The following FBXL7 variants were observed in gnomAD, a reference collection of about 807,000 sequenced individuals.
The protein encoded by FBXL7 is F-box and leucine rich repeat protein 7.
In FBXL7, 12 loss-of-function variants were observed where a neutral mutation model predicts 38.3. The ratio of observed to expected loss-of-function variants is 0.31; its 90% CI spans 0.20 to 0.51. The LOEUF (loss-of-function observed/expected upper bound fraction) is 0.51, where lower values mean the gene tolerates loss of function less well. Among genes scored for constraint, FBXL7 ranks in the 20% least tolerant of loss-of-function variants. The probability of loss-of-function intolerance (pLI) is 0.98; values close to 1 mark genes in which losing one functional copy is unlikely to be tolerated. For missense variants in FBXL7, 567 were observed against 676.4 expected (o/e 0.84, Z 1.79); for synonymous variants, 297 against 300.9 (o/e 0.99, Z 0.13).
chr5:15,749,033 TCAGGAGTTAGAGAC>T (rs1406108897), intron 2 of FBXL7, among the ~76,000 whole-genome samples: 1 of 151,420 alleles, frequency 6.6e-6, no homozygotes, highest in African/African-American at 2.4e-5. Flanking sequence ...TTACCTGAGG[TCAGGAGTTAGAGAC>T]CAGCCTGGCC....
intron 2 of FBXL7, among the ~76,000 whole-genome samples, chr5:15,663,505 C>T (rs1742161199): frequency 6.6e-6 from 1 of 152,066 alleles, no homozygotes; most frequent in South Asian, 2.1e-4. Flanking sequence ...CCTTCGATGC[C>T]TCATTTATTG....
rs569071232 is a variant in FBXL7 at position 15,577,265 on chromosome 5, C to T, written c.38-38718C>T. 4.6e-5 allele frequency among the ~76,000 whole-genome samples: 7 copies of T among 152,196 alleles called. No homozygotes were observed. In the South Asian group the frequency reaches 6.2e-4, roughly 14 times the overall value. ...GACAATGTCATCCACGTCCTCGTGG[C>T]GTTAATTATCTACACCATGGTATCT... is the stretch of plus-strand genomic sequence containing the variant. On this transcript the variant is annotated intron_variant, in intron 1 of 3. Transcript: ENST00000504595.
chr5:15,779,768 T>C (rs995129449), intron 2 of FBXL7, among the ~76,000 whole-genome samples: 13 of 152,210 alleles, frequency 8.5e-5, no homozygotes, highest in African/African-American at 2.7e-4. Context: ...AGTTTTTGAT[T>C]TATAGCTTTG....
chr5:15,533,864 A>C (rs937817513), intron 1 of FBXL7, among the ~76,000 whole-genome samples: 1 of 152,196 alleles, frequency 6.6e-6, no homozygotes, highest in East Asian at 1.9e-4. Context: ...TTTCTTGTAC[A>C]CTACAGATAA....
intron 2 of FBXL7, among the ~76,000 whole-genome samples, chr5:15,784,719 T>C (rs1200859552): frequency 6.6e-6 from 1 of 152,122 alleles, no homozygotes; most frequent in Non-Finnish European, 1.5e-5. Flanking sequence ...TGCTTCACCT[T>C]CTGCTGTGTG....
chr5:15,713,580 T>C (rs146337459), intron 2 of FBXL7, among the ~76,000 whole-genome samples: 1 of 152,338 alleles, frequency 6.6e-6, no homozygotes, highest in East Asian at 1.9e-4. Flanking sequence ...TAGGTTTATA[T>C]TGGTGAAGGT....
chr5:15,842,110 A>G (rs528533909), intron 2 of FBXL7, among the ~76,000 whole-genome samples: 1 of 152,330 alleles, frequency 6.6e-6, no homozygotes, highest in African/African-American at 2.4e-5. Context: ...GTGCCTGGAA[A>G]AGCCACAGAC....
chr5:15,555,784 G>GAGATAGATAGATAGATAGAT lies in FBXL7; in HGVS notation c.37+55090_37+55109dup, dbSNP rs70938016. ...GATTGGTTAGTGGAGAAGGGTAGATGAGATAGATAGATAGATAGATAGATA... is the reference window on the plus strand; with the variant it reads ...GATTGGTTAGTGGAGAAGGGTAGATGAGATAGATAGATAGATAGATAGATAGATAGATAGATAGATAGATA... On this transcript the variant is annotated intron_variant, in intron 1 of 3. Transcript: ENST00000504595. Among the ~76,000 whole-genome samples, 95 of 139,796 alleles carry GAGATAGATAGATAGATAGAT rather than the reference G, an allele frequency of 6.8e-4. No homozygotes were observed. The South Asian group carries it at 9.2e-3, about 13-fold the overall frequency. The allele number at this position is 139,796 out of a possible 152,430, so 91.7% of individuals were successfully genotyped here.
chr5:15,814,447 G>A (rs1043443401), intron 2 of FBXL7, among the ~76,000 whole-genome samples: 4 of 151,928 alleles, frequency 2.6e-5, no homozygotes, highest in Non-Finnish European at 4.4e-5. Flanking sequence ...ACTAGGGGAG[G>A]GATAGCATTA....
At chr5:15,802,828 T>C (rs956172045) in intron 2 of FBXL7, among the ~76,000 whole-genome samples, 4 of 152,114 alleles carry the variant, frequency 2.6e-5, no homozygotes, top group African/African-American at 9.7e-5. Flanking sequence ...TATTTTTGTA[T>C]TTTTAGTAGA....
At position 15,676,965 on chromosome 5, in the gene FBXL7, T is replaced by C. The variant is rs76083187; in HGVS notation, c.127+60893T>C. On this transcript the variant is annotated intron_variant, in intron 2 of 3. Transcript: ENST00000504595. ...TTTGATTGGAAAGCCACACATTAAA[T>C]ATGGTTCTCAACTTTAAAAGCAGCA... Among the ~76,000 whole-genome samples, 62 of 152,350 alleles carry C rather than the reference T, an allele frequency of 4.1e-4. 2 individuals carry two copies. In the East Asian group the frequency reaches 0.011, roughly 26 times the overall value.
rs563006580 is a variant in FBXL7 at position 15,670,237 on chromosome 5, A to G, written c.127+54165A>G. ...GCTAAAAGCTCTTTCTTCCATCTGAATGAAGCACAGAAATTAAGTTTCTTA... is the reference window on the plus strand; with the variant it reads ...GCTAAAAGCTCTTTCTTCCATCTGAGTGAAGCACAGAAATTAAGTTTCTTA... On this transcript the variant is annotated intron_variant, in intron 2 of 3. Transcript: ENST00000504595. Among the ~76,000 whole-genome samples the G allele has an allele frequency of 7.2e-5, 11 of 152,362 alleles. No homozygotes were observed. In the East Asian group the frequency reaches 2.1e-3, roughly 29 times the overall value.
intron 1 of FBXL7, among the ~76,000 whole-genome samples, chr5:15,526,883 C>G (rs773089847): frequency 6.6e-6 from 1 of 152,028 alleles, no homozygotes; most frequent in African/African-American, 2.4e-5. Flanking sequence ...TTTGGCCTTC[C>G]TAGAAAGTCC....
At chr5:15,830,932 G>A (rs1160034880) in intron 2 of FBXL7, among the ~76,000 whole-genome samples, 1 of 152,056 alleles carries the variant, frequency 6.6e-6, no homozygotes, top group Non-Finnish European at 1.5e-5. Flanking sequence ...TTTACCCTTA[G>A]AGTCTAGTTT....
chr5:15,897,745 C>A (rs923678150), intron 2 of FBXL7, among the ~76,000 whole-genome samples: 4 of 152,098 alleles, frequency 2.6e-5, no homozygotes, highest in Non-Finnish European at 5.9e-5. Flanking sequence ...TGTTGAAGCC[C>A]CAGCCAGGCC....
chr5:15,534,334 C>T (rs932545644), intron 1 of FBXL7, among the ~76,000 whole-genome samples: 6 of 149,866 alleles, frequency 4.0e-5, no homozygotes, highest in Non-Finnish European at 7.4e-5. Flanking sequence ...CCTATTCTCT[C>T]CCTAACTCCT....
intron 2 of FBXL7, among the ~76,000 whole-genome samples, chr5:15,776,696 G>T (rs535320237): frequency 6.6e-6 from 1 of 152,150 alleles, no homozygotes; most frequent in African/African-American, 2.4e-5. Flanking sequence ...TAACTTCATG[G>T]CACTAACATC....
Position 15,608,578 on chromosome 5 carries a change from A to G in FBXL7, c.38-7405A>G, listed in dbSNP as rs186515989. ...GTATTTTGTTAGGTGGTGAACATCT[A>G]CAATCAGTGGACTTTAAGTAAAGGA... On this transcript the variant is annotated intron_variant, in intron 1 of 3. Coordinates refer to ENST00000504595, the MANE Select transcript of FBXL7 (RefSeq NM_012304.5). Among the ~76,000 whole-genome samples, 45 of 152,316 alleles carry G rather than the reference A, an allele frequency of 3.0e-4. 1 individual carries two copies. In the East Asian group the frequency reaches 7.5e-3, roughly 25 times the overall value.
intron 1 of FBXL7, among the ~76,000 whole-genome samples, chr5:15,511,428 A>G (rs1389718671): frequency 6.6e-6 from 1 of 152,214 alleles, no homozygotes; most frequent in Non-Finnish European, 1.5e-5. Context: ...GCCTACACAC[A>G]AGCAAAAGCT....
Sources: allele counts gnomAD v4.1 joint callset (sites outside exome capture counted in the v4.1 genomes callset), GRCh38; gene constraint gnomAD v4.1.1; transcripts MANE v1.5; gene names NCBI Gene and HGNC (gene_info 2026-07-23, HGNC 2026-07-21).